Variants in NPAS3 observed in about 807,000 individuals in gnomAD.
NPAS3 encodes the protein neuronal PAS domain-containing protein 3.
NPAS3 carries 14 observed loss-of-function variants against 73.1 expected under a neutral mutation model. The ratio of observed to expected loss-of-function variants is 0.19; its 90% CI spans 0.13 to 0.30. The LOEUF (loss-of-function observed/expected upper bound fraction) is 0.30. Among genes scored for constraint, NPAS3 ranks in the 10% least tolerant of loss-of-function variants. The pLI is 1.00. For missense variants in NPAS3, 1,096 were observed against 1,250.0 expected, an observed-to-expected ratio of 0.88 and a Z score of 1.86; for synonymous variants, 620 against 541.5, an observed-to-expected ratio of 1.14 and a Z score of -2.01.
chr14:33,386,304 A>G (rs976279076), intron 4 of NPAS3, among the ~76,000 whole-genome samples: 1 of 152,172 alleles, frequency 6.6e-6, no homozygotes, highest in Non-Finnish European at 1.5e-5. Context: ...GTACTTTTTT[A>G]TCTCATCAAA....
rs571654074 is a variant in NPAS3, at chr14:33,614,570, G to A, written c.558+54360G>A. Among the ~76,000 whole-genome samples the A allele has an allele frequency of 5.3e-5, 8 of 152,258 alleles. No individual in the cohort carries two copies. The East Asian group carries it at 5.8e-4, about 11-fold the overall frequency. On this transcript the variant is annotated intron_variant, in intron 5 of 11. Coordinates refer to ENST00000356141, the Ensembl canonical transcript of NPAS3. ...GTGTTTTAAACAGGAAATCAGCCTC[G>A]TTCAAAAACCATATTCTTAGCTAGC...
intron 1 of NPAS3, among the ~76,000 whole-genome samples, chr14:32,940,080 AAAG>A (rs1292413611): frequency 6.6e-6 from 1 of 152,240 alleles, no homozygotes; most frequent in African/African-American, 2.4e-5. Context: ...AAAGAAAAAT[AAAG>A]AAGAAAACCC....
chr14:33,749,004 C>T (rs2061883491), intron 7 of NPAS3, among the ~76,000 whole-genome samples: 1 of 152,072 alleles, frequency 6.6e-6, no homozygotes, highest in Admixed American at 6.6e-5. Flanking sequence ...ACCAAATGAA[C>T]GCCATGAGGG....
At chr14:33,400,441 G>A (rs2047398414) in intron 4 of NPAS3, among the ~76,000 whole-genome samples, 1 of 152,100 alleles carries the variant, frequency 6.6e-6, no homozygotes, top group Non-Finnish European at 1.5e-5. Flanking sequence ...AAAATTTTCT[G>A]GCACTTTATG....
intron 1 of NPAS3, among the ~76,000 whole-genome samples, chr14:32,962,902 G>C (rs1363320631): frequency 6.7e-6 from 1 of 150,096 alleles, no homozygotes; most frequent in African/African-American, 2.4e-5. Flanking sequence ...TTTTAAAGAG[G>C]TGGGGTCTCA....
rs148890671 is a variant in NPAS3 at position 33,203,685 on chromosome 14, G to A, written c.141-11497G>A. ...TTTTATGGCTGCACAGTATTCCATG[G>A]TGTATATGTGCCACATTTTCTTAAT... is the stretch of plus-strand genomic sequence containing the variant. On this transcript the variant is annotated intron_variant, in intron 2 of 11. Coordinates refer to ENST00000356141, the Ensembl canonical transcript of NPAS3. Among the ~76,000 whole-genome samples, 194 of 152,264 alleles carry A rather than the reference G, an allele frequency of 1.3e-3. 4 individuals carry two copies. The East Asian group carries it at 0.036, about 28-fold the overall frequency.
chr14:33,291,615 C>A (rs375361165), intron 3 of NPAS3, among the ~76,000 whole-genome samples: 9 of 152,138 alleles, frequency 5.9e-5, no homozygotes, highest in African/African-American at 1.9e-4. Context: ...TTGTGAAAGT[C>A]ATACAGGATC....
At chr14:33,169,155 T>C (rs559823956) in intron 2 of NPAS3, among the ~76,000 whole-genome samples, 1 of 152,380 alleles carries the variant, frequency 6.6e-6, no homozygotes, top group South Asian at 2.1e-4. Flanking sequence ...TTTTCCTTTT[T>C]TCTAAATACT....
chr14:33,697,850 C>A (rs1182237898), intron 6 of NPAS3, among the ~76,000 whole-genome samples: 1 of 152,202 alleles, frequency 6.6e-6, no homozygotes, highest in Non-Finnish European at 1.5e-5. Context: ...GTAGCTAGTT[C>A]TTTAACCTAG....
intron 6 of NPAS3, among the ~76,000 whole-genome samples, chr14:33,707,598 G>C (rs903299392): frequency 5.3e-5 from 8 of 152,162 alleles, no homozygotes; most frequent in Admixed American, 4.6e-4. Flanking sequence ...GGTTCAAATC[G>C]CAGGAATGCA....
intron 3 of NPAS3, among the ~76,000 whole-genome samples, chr14:33,356,873 T>A (rs1215095839): frequency 6.6e-6 from 1 of 152,212 alleles, no homozygotes; most frequent in Non-Finnish European, 1.5e-5. Flanking sequence ...AAATAATAGG[T>A]CTTCAAGTTA....
intron 4 of NPAS3, among the ~76,000 whole-genome samples, chr14:33,413,353 T>C (rs1482284257): frequency 6.6e-6 from 1 of 152,050 alleles, no homozygotes; most frequent in East Asian, 1.9e-4. Context: ...GGAAGCTGCA[T>C]GAGGGCACGG....
intron 4 of NPAS3, among the ~76,000 whole-genome samples, chr14:33,469,349 C>T (rs978781310): frequency 6.7e-6 from 1 of 149,998 alleles, no homozygotes; most frequent in Admixed American, 6.7e-5. Flanking sequence ...ATGTGCTAGT[C>T]ATAGAGTGGT....
intron 3 of NPAS3, among the ~76,000 whole-genome samples, chr14:33,285,268 C>T (rs973256916): frequency 4.6e-5 from 7 of 152,114 alleles, no homozygotes; most frequent in African/African-American, 1.2e-4. Context: ...GAGTTCCCAC[C>T]TCTTTACACA....
intron 5 of NPAS3, among the ~76,000 whole-genome samples, chr14:33,672,830 C>T (rs1030478492): frequency 2.0e-5 from 3 of 152,110 alleles, no homozygotes; most frequent in Admixed American, 6.5e-5. Flanking sequence ...TTTAACTTCT[C>T]GGGACTGTAG....
At chr14:33,129,669 G>A (rs1195722279) in intron 2 of NPAS3, among the ~76,000 whole-genome samples, 2 of 152,060 alleles carry the variant, frequency 1.3e-5, no homozygotes, top group Admixed American at 6.6e-5. Flanking sequence ...TGGCAGTAGT[G>A]AATAACTAGT....
chr14:33,092,146 A>C (rs889211570), intron 2 of NPAS3, among the ~76,000 whole-genome samples: 2 of 152,156 alleles, frequency 1.3e-5, no homozygotes, highest in Admixed American at 6.5e-5. Context: ...GAAAGAAATA[A>C]AGGGTATTCA....
intron 1 of NPAS3, among the ~76,000 whole-genome samples, chr14:33,051,368 C>T (rs945470961): frequency 6.6e-6 from 1 of 151,728 alleles, no homozygotes; most frequent in African/African-American, 2.4e-5. Flanking sequence ...CTCAAAAACT[C>T]TGATTATAGA....
chr14:33,426,855 G>A (rs186908611), intron 4 of NPAS3, among the ~76,000 whole-genome samples: 2 of 152,088 alleles, frequency 1.3e-5, no homozygotes, highest in East Asian at 1.9e-4. Context: ...TTGTTTGAAG[G>A]TGTCACATTT....
Sources: allele counts gnomAD v4.1 joint callset (sites outside exome capture counted in the v4.1 genomes callset), GRCh38; gene constraint gnomAD v4.1.1; transcripts MANE v1.5; gene names NCBI Gene and HGNC (gene_info 2026-07-23, HGNC 2026-07-21).